CAV1: variants seen among roughly 807,000 people sequenced by gnomAD.
The protein encoded by CAV1 is caveolin-1.
In CAV1, 10 loss-of-function variants were observed where a neutral mutation model predicts 16.5. The observed-to-expected ratio is 0.61, with a 90% CI of 0.37 to 1.03. The LOEUF (loss-of-function observed/expected upper bound fraction) is 1.03, where lower values mean the gene tolerates loss of function less well. Ranked by LOEUF, CAV1 falls within the 50% of genes least tolerant of loss-of-function variation. CAV1 has a pLI of 0.01. For synonymous variants in CAV1, 76 were observed against 85.1 expected (o/e 0.89, Z 0.59); for missense variants, 212 against 232.8 (o/e 0.91, Z 0.58).
At chr7:116,528,821 T>TTTTA (rs993710870) in intron 2 of CAV1, among the ~76,000 whole-genome samples, 13 of 152,008 alleles carry the variant, frequency 8.6e-5, no homozygotes, top group South Asian at 2.1e-4. Context: ...TTATTTTTAT[T>TTTTA]TTTATTTATT....
At chr7:116,525,407 C>T in intron 1 of CAV1, 1 of 1,478,228 alleles carries the variant, frequency 6.8e-7, no homozygotes. Context: ...TAGGATGCTC[C>T]CTTGTCGCGG....
chr7:116,541,000 C>T (rs11979788), intron 2 of CAV1, among the ~76,000 whole-genome samples: 345 of 152,266 alleles, frequency 2.3e-3, no homozygotes, highest in African/African-American at 7.6e-3. Context: ...ATCCACATGC[C>T]ATACCTCCTT....
chr7:116,535,751 T>G (rs1793798103), intron 2 of CAV1, among the ~76,000 whole-genome samples: 1 of 152,206 alleles, frequency 6.6e-6, no homozygotes, highest in African/African-American at 2.4e-5. Flanking sequence ...TACATCTTGT[T>G]TTCTTTATTG....
chr7:116,544,770 A>G (rs1203465130), intron 2 of CAV1, among the ~76,000 whole-genome samples: 1 of 152,200 alleles, frequency 6.6e-6, no homozygotes, highest in Non-Finnish European at 1.5e-5. Context: ...GGCAAGTACG[A>G]AAATGACTTC....
At chr7:116,525,498 G>A in intron 1 of CAV1, 7 of 1,268,424 alleles carry the variant, frequency 5.5e-6, no homozygotes, top group South Asian at 1.5e-5. Context: ...CCGAGTCCTG[G>A]GGACAGTCCC....
intron 2 of CAV1, among the ~76,000 whole-genome samples, chr7:116,537,582 C>T (rs957220576): frequency 2.6e-5 from 4 of 152,114 alleles, no homozygotes; most frequent in Non-Finnish European, 4.4e-5. Context: ...CTCCAAAGCC[C>T]GGATTCTTAA....
chr7:116,553,097 C>T (rs900715925), intron 2 of CAV1, among the ~76,000 whole-genome samples: 10 of 152,136 alleles, frequency 6.6e-5, no homozygotes, highest in African/African-American at 2.2e-4. Context: ...CTTATGAAAT[C>T]CCAAATGTAC....
At chr7:116,525,200 A>G in intron 1 of CAV1, 108 bp downstream of exon 1, 2 of 1,613,254 alleles carry the variant, frequency 1.2e-6, no homozygotes, top group Non-Finnish European at 1.7e-6. Flanking sequence ...CCCTCTCTCC[A>G]CTTCGGAGCA....
chr7:116,545,109 C>T (rs892955401), intron 2 of CAV1, among the ~76,000 whole-genome samples: 2 of 152,154 alleles, frequency 1.3e-5, no homozygotes, highest in African/African-American at 4.8e-5. Context: ...CATTGTATTC[C>T]GATTTTCTAG....
In CAV1 at chr7:116,561,140, A is replaced by G. The variant is rs1794402167; in HGVS notation, c.*1853A>G. ...ATTTTTTATCATGCATGTCCTGTAA[A>G]GGTTACAAGCCTGCACAATAAAAAT... On this transcript the variant is annotated 3_prime_UTR_variant, in exon 3 of 3. Transcript: ENST00000341049. 6.6e-6 allele frequency: 1 copy of G among 152,552 alleles called. No homozygotes were observed. Among genetic ancestry groups the G allele is most frequent in the African/African-American group, 2.4e-5 (1 of 41,450 alleles). The allele number at this position is 152,552 out of a possible 1,614,324, so 9.4% of individuals were successfully genotyped here.
chr7:116,531,684 C>T (rs183951214), intron 2 of CAV1, among the ~76,000 whole-genome samples: 3 of 152,202 alleles, frequency 2.0e-5, no homozygotes, highest in Non-Finnish European at 4.4e-5. Context: ...GTGCGCTGCA[C>T]CCACTAACTC....
chr7:116,560,658 A>G lies in CAV1; in HGVS notation c.*1371A>G, dbSNP rs1001110476. On this transcript the variant is annotated 3_prime_UTR_variant, in exon 3 of 3. Transcript: ENST00000341049. ...TCACCTGTAAACCTGAGTCGTACAG[A>G]AAGCTGCCTGGTATATCCAAAAGCT... 10 of 152,644 alleles carry G rather than the reference A, an allele frequency of 6.6e-5. No individual in the cohort carries two copies. Among genetic ancestry groups the G allele is most frequent in the African/African-American group, 2.4e-4 (10 of 41,456 alleles). The allele number at this position is 152,644 out of a possible 1,614,324, so 9.5% of individuals were successfully genotyped here.
At chr7:116,555,506 A>G (rs1377367542) in intron 2 of CAV1, among the ~76,000 whole-genome samples, 1 of 8,032 alleles carries the variant, frequency 1.2e-4, no homozygotes, top group Non-Finnish European at 2.2e-4. Context: ...GAAAGAAAGA[A>G]AGAAAGAAAG....
chr7:116,526,814 A>G (rs1793574059), intron 2 of CAV1, 125 bp downstream of exon 2: 2 of 1,076,110 alleles, frequency 1.9e-6, no homozygotes. Flanking sequence ...GCACACACAC[A>G]CACACACAGA....
rs1023674052 is a variant in CAV1, at chr7:116,526,242, G to C, written c.31-283G>C. On this transcript the variant is annotated intron_variant, in intron 1 of 2. Transcript: ENST00000341049. ...GGCGGGGGCCTTCGGACCGCGCGGCGGGGCCTGCCCTGACCCCTGGCGGCG... is the reference window on the plus strand; with the variant it reads ...GGCGGGGGCCTTCGGACCGCGCGGCCGGGCCTGCCCTGACCCCTGGCGGCG... The C allele has an allele frequency of 1.3e-5, 14 of 1,093,666 alleles. No homozygotes were observed. In the Admixed American group the frequency reaches 4.3e-4, roughly 33 times the overall value. The allele number at this position is 1,093,666 out of a possible 1,614,324, so 67.7% of individuals were successfully genotyped here. A position where few individuals can be genotyped will look rare whatever the true frequency, so the allele number is the denominator to read the frequency against.
chr7:116,540,520 G>A (rs2116011723), intron 2 of CAV1, among the ~76,000 whole-genome samples: 1 of 152,244 alleles, frequency 6.6e-6, no homozygotes, highest in Admixed American at 6.5e-5. Flanking sequence ...GAATGATGAG[G>A]TGCATTGTGG....
rs1007283546 is a variant in CAV1, at chr7:116,526,663, A to G, written c.169A>G (p.Lys57Glu). The change falls in exon 2 of 3, where the codon AAA (lysine) becomes GAA (glutamate). Residue 57 changes from lysine (K) to glutamate (E), a missense_variant. Coordinates refer to ENST00000341049, the MANE Select transcript of CAV1 (RefSeq NM_001753.5). Reference protein sequence around the residue: ...KEIDLVNRDPKHLNDDVVKID... With the variant: ...KEIDLVNRDPEHLNDDVVKID... ...GATCGACCTGGTCAACCGCGACCCTAAACACCTCAACGATGACGTGGTCAA... is the reference window on the plus strand; with the variant it reads ...GATCGACCTGGTCAACCGCGACCCTGAACACCTCAACGATGACGTGGTCAA... The G allele has an allele frequency of 1.1e-5, 18 of 1,614,010 alleles. No individual in the cohort carries two copies. The African/African-American group carries it at 1.5e-4, about 13-fold the overall frequency.
intron 2 of CAV1, among the ~76,000 whole-genome samples, chr7:116,534,107 A>G (rs1793742446): frequency 6.6e-6 from 1 of 151,884 alleles, no homozygotes; most frequent in Non-Finnish European, 1.5e-5. Context: ...AGTCCCAGCT[A>G]CTTTGGTGGC....
intron 2 of CAV1, among the ~76,000 whole-genome samples, chr7:116,529,881 A>C (rs1487988210): frequency 1.3e-5 from 2 of 152,224 alleles, no homozygotes; most frequent in African/African-American, 2.4e-5. Flanking sequence ...CAAACCCTTC[A>C]TTCTCCCTCT....
Sources: gnomAD v4.1 joint callset for allele counts (sites outside exome capture counted in the v4.1 genomes callset) on GRCh38, gnomAD v4.1.1 for gene constraint, MANE v1.5 for transcripts, NCBI Gene and HGNC (gene_info 2026-07-23, HGNC 2026-07-21) for gene names.